Variants in SPTBN1 observed in about 807,000 individuals in gnomAD.
SPTBN1 encodes the protein spectrin beta chain, non-erythrocytic 1.
A neutral mutation model predicts 266.4 loss-of-function variants in SPTBN1; 32 were observed. That is an observed-to-expected ratio of 0.12 (90% confidence interval 0.09 to 0.16). SPTBN1 has a LOEUF of 0.16. SPTBN1 is among the 10% of genes least tolerant of loss of function. The pLI is 1.00. For missense variants in SPTBN1, 2,296 were observed against 3,067.1 expected, an observed-to-expected ratio of 0.75 and a Z score of 5.94; for synonymous variants, 1,336 against 1,162.2, an observed-to-expected ratio of 1.15 and a Z score of -3.04.
intron 2 of SPTBN1, among the ~76,000 whole-genome samples, chr2:54,552,688 C>T (rs1672648527): frequency 6.6e-6 from 1 of 151,950 alleles, no homozygotes; most frequent in Non-Finnish European, 1.5e-5. Context: ...ACCTCCTGAC[C>T]TCGTGATCCA....
At chr2:54,630,512 A>G (rs1237245810) in intron 15 of SPTBN1, among the ~76,000 whole-genome samples, 1 of 152,224 alleles carries the variant, frequency 6.6e-6, no homozygotes, top group Non-Finnish European at 1.5e-5. Flanking sequence ...TCAGTCTTAG[A>G]TTTGGAAAAC....
chr2:54,654,063 G>C (rs1031064192), intron 27 of SPTBN1, among the ~76,000 whole-genome samples: 1 of 152,098 alleles, frequency 6.6e-6, no homozygotes, highest in African/African-American at 2.4e-5. Context: ...GGGAGCCTGG[G>C]GTTATCAAAG....
At chr2:54,460,721 T>C (rs958540389) in intron 1 of SPTBN1, among the ~76,000 whole-genome samples, 3 of 152,190 alleles carry the variant, frequency 2.0e-5, no homozygotes, top group Non-Finnish European at 2.9e-5. Context: ...GTAAACCAGC[T>C]GGGTGCAGTG....
chr2:54,566,020 C>T (rs963367999), intron 2 of SPTBN1, among the ~76,000 whole-genome samples: 5 of 152,078 alleles, frequency 3.3e-5, no homozygotes, highest in African/African-American at 1.2e-4. Flanking sequence ...GATAGCTCCA[C>T]CTCTTGTGCA....
rs765890801 is a variant in SPTBN1 at position 54,632,703 on chromosome 2, G to A, written c.3702G>A (p.Arg1234=). The A allele has an allele frequency of 6.2e-6, 10 of 1,614,108 alleles. No homozygotes were observed. The highest frequency in any genetic ancestry group is 1.7e-5 in the Admixed American group (1 of 60,002). ...ATGCTGTGGTGGAGACTGGCCGGAG[G>A]CTGGTGAGCGATGGGAACATCAACT... The part of the protein sequence containing the change: ...KINAVVETGR[R]LVSDGNINSD... The change falls in exon 17 of 36, where the codon AGG becomes AGA. Residue 1234 remains arginine, a synonymous_variant. Coordinates refer to ENST00000356805, the MANE Select transcript of SPTBN1 (RefSeq NM_003128.3).
intron 7 of SPTBN1, among the ~76,000 whole-genome samples, chr2:54,619,244 A>G (rs1677836425): frequency 1.3e-5 from 2 of 152,244 alleles, no homozygotes; most frequent in South Asian, 4.1e-4. Context: ...TGTTGGCTAC[A>G]GGAAGCTGAG....
At chr2:54,551,839 T>C (rs1347611832) in intron 2 of SPTBN1, among the ~76,000 whole-genome samples, 1 of 152,178 alleles carries the variant, frequency 6.6e-6, no homozygotes, top group Non-Finnish European at 1.5e-5. Flanking sequence ...TTTTTTTTTC[T>C]TGTTATTTTG....
chr2:54,617,816 A>G (rs941805346), intron 6 of SPTBN1, 128 bp downstream of exon 6: 7 of 868,330 alleles, frequency 8.1e-6, no homozygotes, highest in Admixed American at 2.6e-5. Flanking sequence ...TCTGCATTCC[A>G]TGTGAGGAAA....
chr2:54,661,842 C>T (rs1395307772), intron 32 of SPTBN1: 16 of 985,252 alleles, frequency 1.6e-5, no homozygotes, highest in Non-Finnish European at 1.9e-5. Flanking sequence ...CATAAGCACA[C>T]AAGAAAAGAG....
chr2:54,469,675 G>A (rs563602841), intron 1 of SPTBN1, among the ~76,000 whole-genome samples: 24 of 152,298 alleles, frequency 1.6e-4, no homozygotes, highest in African/African-American at 4.8e-4. Flanking sequence ...TGGTCCCAGC[G>A]GCCTAGGTTA....
intron 8 of SPTBN1, 142 bp from the exon 9 acceptor site, chr2:54,622,158 C>T (rs1572697707): frequency 1.3e-6 from 1 of 751,674 alleles, no homozygotes; most frequent in Non-Finnish European, 2.1e-6. Context: ...TGCTTGTGCC[C>T]AGGTACAGCT....
chr2:54,497,013 G>C (rs189361653), intron 1 of SPTBN1, among the ~76,000 whole-genome samples: 1 of 152,182 alleles, frequency 6.6e-6, no homozygotes, highest in African/African-American at 2.4e-5. Flanking sequence ...GATGATATGC[G>C]CATATGTTTA....
chr2:54,512,287 A>G (rs1156858896), intron 1 of SPTBN1, among the ~76,000 whole-genome samples: 14 of 152,198 alleles, frequency 9.2e-5, no homozygotes, highest in Non-Finnish European at 1.5e-4. Context: ...CTTCCTTTCA[A>G]GTATCATAGG....
chr2:54,636,776 C>G (rs1283983777), intron 17 of SPTBN1, among the ~76,000 whole-genome samples: 2 of 152,232 alleles, frequency 1.3e-5, no homozygotes, highest in Non-Finnish European at 2.9e-5. Context: ...CTTTATCCAT[C>G]TTAATACCCT....
At chr2:54,627,515 G>C (rs1300736531) in intron 12 of SPTBN1, among the ~76,000 whole-genome samples, 2 of 152,220 alleles carry the variant, frequency 1.3e-5, no homozygotes, top group Non-Finnish European at 2.9e-5. Flanking sequence ...TTGGTTTAAA[G>C]ATGTGGCTTG....
Position 54,612,290 on chromosome 2 carries a change from C to A in SPTBN1, c.430C>A (p.Arg144=). ...GSHDIVDGNH[R]LTLGLIWTII... is the part of the protein sequence containing the mutation. ...CCATGACATCGTGGATGGAAACCAC[C>A]GGCTGACCCTTGGCCTCATCTGGAC... Residue 144 remains arginine, a synonymous_variant, in exon 4 of 36, where the codon CGG becomes AGG. Coordinates refer to ENST00000356805, the MANE Select transcript of SPTBN1 (RefSeq NM_003128.3). 1 of 1,613,980 alleles carries A rather than the reference C, an allele frequency of 6.2e-7. No individual in the cohort carries two copies. The highest frequency in any genetic ancestry group is 8.5e-7 in the Non-Finnish European group (1 of 1,179,866).
At chr2:54,557,790 A>G in intron 2 of SPTBN1, 5 of 985,336 alleles carry the variant, frequency 5.1e-6, no homozygotes, top group Non-Finnish European at 6.0e-6. Flanking sequence ...CCCTGATGGC[A>G]GCGTAAGTCA....
At chr2:54,539,411 C>A (rs1474265716) in intron 2 of SPTBN1, among the ~76,000 whole-genome samples, 1 of 152,138 alleles carries the variant, frequency 6.6e-6, no homozygotes, top group Non-Finnish European at 1.5e-5. Context: ...ACAGTGCATG[C>A]ATTGCAAAAA....
intron 2 of SPTBN1, among the ~76,000 whole-genome samples, chr2:54,589,317 G>A (rs984195655): frequency 7.2e-5 from 11 of 152,174 alleles, no homozygotes; most frequent in African/African-American, 2.7e-4. Context: ...CCTGGTGACA[G>A]AGCCTCATTT....
Sources: allele counts gnomAD v4.1 joint callset (sites outside exome capture counted in the v4.1 genomes callset), GRCh38; gene constraint gnomAD v4.1.1; transcripts MANE v1.5; gene names NCBI Gene and HGNC (gene_info 2026-07-23, HGNC 2026-07-21).